Variants in NEGR1 observed in about 807,000 individuals in gnomAD.
NEGR1 encodes the protein neuronal growth regulator 1, also known as IgLON family member 4.
A neutral mutation model predicts 40.9 loss-of-function variants in NEGR1; 10 were observed. That is an observed-to-expected ratio of 0.24 (90% CI 0.15 to 0.42). The LOEUF (loss-of-function observed/expected upper bound fraction) is 0.42. Ranked by LOEUF, NEGR1 falls within the 10% of genes least tolerant of loss-of-function variation. The pLI is 1.00. For missense variants in NEGR1, 352 were observed against 438.9 expected, an observed-to-expected ratio of 0.80 and a Z score of 1.77; for synonymous variants, 185 against 166.8, an observed-to-expected ratio of 1.11 and a Z score of -0.84.
intron 3 of NEGR1, among the ~76,000 whole-genome samples, chr1:71,741,857 G>C (rs1655223364): frequency 6.6e-6 from 1 of 152,132 alleles, no homozygotes; most frequent in Non-Finnish European, 1.5e-5. Flanking sequence ...GCAAGAGAGA[G>C]CAAGGAGCCA....
intron 1 of NEGR1, among the ~76,000 whole-genome samples, chr1:72,276,412 G>A (rs1487463651): frequency 3.3e-5 from 5 of 152,016 alleles, no homozygotes; most frequent in African/African-American, 1.2e-4. Flanking sequence ...ACATCTACAA[G>A]CAGGGTTTAA....
chr1:71,457,361 A>G (rs763976572), intron 6 of NEGR1, among the ~76,000 whole-genome samples: 2 of 152,190 alleles, frequency 1.3e-5, no homozygotes, highest in Non-Finnish European at 2.9e-5. Flanking sequence ...TTCTACTTCA[A>G]TTTTCAATAT....
intron 4 of NEGR1, among the ~76,000 whole-genome samples, chr1:71,675,542 A>AAGAG (rs1170631898): frequency 1.3e-5 from 2 of 151,308 alleles, no homozygotes; most frequent in Admixed American, 6.6e-5. Flanking sequence ...GAGAGAGAGA[A>AAGAG]AGACAGACAG....
At chr1:72,270,343 A>G (rs1428988026) in intron 1 of NEGR1, among the ~76,000 whole-genome samples, 1 of 151,902 alleles carries the variant, frequency 6.6e-6, no homozygotes, top group Non-Finnish European at 1.5e-5. Flanking sequence ...ACAAGCATTC[A>G]TACATAATTC....
In NEGR1 at chr1:71,475,261, T is replaced by C. The variant is rs145508211; in HGVS notation, c.941-67691A>G. Among the ~76,000 whole-genome samples the C allele has an allele frequency of 3.9e-3, 586 of 152,190 alleles. 4 individuals are homozygous for C. Among genetic ancestry groups the C allele is most frequent in the African/African-American group, 0.014 (564 of 41,564 alleles). On this transcript the variant is annotated intron_variant, in intron 6 of 6. Transcript: ENST00000357731. ...TAATATGCTTTTTAAAAAATGAAAG[T>C]ATATTATTTTCCATATATGGCTATT...
At chr1:72,040,125 G>A (rs1318823604) in intron 1 of NEGR1, among the ~76,000 whole-genome samples, 1 of 151,914 alleles carries the variant, frequency 6.6e-6, no homozygotes, top group East Asian at 1.9e-4. Context: ...TTAGCCATGT[G>A]TTATGTACAT....
intron 1 of NEGR1, among the ~76,000 whole-genome samples, chr1:72,003,967 G>T (rs1646580405): frequency 6.6e-6 from 1 of 152,010 alleles, no homozygotes; most frequent in African/African-American, 2.4e-5. Context: ...ATAAATGAGA[G>T]ATTAATGAGT....
chr1:71,607,062 A>G (rs1650096107), intron 5 of NEGR1, among the ~76,000 whole-genome samples: 1 of 152,206 alleles, frequency 6.6e-6, no homozygotes, highest in Non-Finnish European at 1.5e-5. Flanking sequence ...ATTTCTGATT[A>G]TTTATGTGAG....
chr1:71,606,985 CTTGAT>C (rs987897563), intron 5 of NEGR1, among the ~76,000 whole-genome samples: 1 of 152,046 alleles, frequency 6.6e-6, no homozygotes, highest in African/African-American at 2.4e-5. Flanking sequence ...CTTTGAAGAT[CTTGAT>C]TTAAGATAAA....
Position 71,811,512 on chromosome 1 carries a change from T to G in NEGR1, c.410-35215A>C, listed in dbSNP as rs140111118. 1.3e-3 allele frequency among the ~76,000 whole-genome samples: 196 copies of G among 151,990 alleles called. No individual in the cohort carries two copies. In the East Asian group the frequency reaches 0.033, roughly 25 times the overall value. ...GTGGCTATCTCATAACTCCTTTCAT[T>G]TTCTTCATAGTACTTATAATTTGAA... is the stretch of plus-strand genomic sequence containing the variant. On this transcript the variant is annotated intron_variant, in intron 2 of 6. Transcript: ENST00000357731.
intron 1 of NEGR1, among the ~76,000 whole-genome samples, chr1:72,232,260 G>A (rs1443101470): frequency 6.6e-6 from 1 of 151,952 alleles, no homozygotes; most frequent in African/African-American, 2.4e-5. Context: ...GGAAGGCTAA[G>A]GCAGGAGAAT....
chr1:72,260,999 T>C (rs1489906328), intron 1 of NEGR1, among the ~76,000 whole-genome samples: 3 of 152,080 alleles, frequency 2.0e-5, no homozygotes, highest in Non-Finnish European at 4.4e-5. Context: ...ATGGCTTTTG[T>C]TTATATTATA....
intron 1 of NEGR1, among the ~76,000 whole-genome samples, chr1:72,169,989 G>A (rs1651902277): frequency 6.6e-6 from 1 of 152,022 alleles, no homozygotes; most frequent in African/African-American, 2.4e-5. Flanking sequence ...AGTAAATCAG[G>A]AAATTTAAAT....
At chr1:72,146,668 G>A (rs2100346711) in intron 1 of NEGR1, among the ~76,000 whole-genome samples, 1 of 152,170 alleles carries the variant, frequency 6.6e-6, no homozygotes, top group South Asian at 2.1e-4. Context: ...CCATCCCCAA[G>A]ATATCTCTTT....
intron 1 of NEGR1, among the ~76,000 whole-genome samples, chr1:72,181,677 G>A (rs970551514): frequency 1.1e-4 from 16 of 152,086 alleles, no homozygotes; most frequent in Admixed American, 1.3e-4. Flanking sequence ...CAACCTAGGC[G>A]TCTGTGGATA....
intron 2 of NEGR1, among the ~76,000 whole-genome samples, chr1:71,847,545 ATTGTT>A (rs1330245056): frequency 1.3e-5 from 2 of 152,094 alleles, no homozygotes; most frequent in Middle Eastern, 3.2e-3. Flanking sequence ...TACTCTTGTA[ATTGTT>A]TTAATTGTTT....
chr1:71,415,429 T>G (rs991959660), intron 6 of NEGR1, among the ~76,000 whole-genome samples: 3 of 152,064 alleles, frequency 2.0e-5, no homozygotes, highest in Admixed American at 6.6e-5. Flanking sequence ...GTTCACAATA[T>G]ACCCTCCTAT....
At chr1:71,834,474 T>C (rs1658947711) in intron 2 of NEGR1, among the ~76,000 whole-genome samples, 1 of 151,728 alleles carries the variant, frequency 6.6e-6, no homozygotes, top group Non-Finnish European at 1.5e-5. Context: ...CCAACCATTT[T>C]TTTTTCCTCC....
intron 6 of NEGR1, among the ~76,000 whole-genome samples, chr1:71,561,235 C>A (rs1003667959): frequency 6.6e-6 from 1 of 151,686 alleles, no homozygotes; most frequent in Non-Finnish European, 1.5e-5. Flanking sequence ...AAGCCCCTAA[C>A]AAAGATCAAT....
Sources: gnomAD v4.1 joint callset for allele counts (sites outside exome capture counted in the v4.1 genomes callset) on GRCh38, gnomAD v4.1.1 for gene constraint, MANE v1.5 for transcripts, NCBI Gene and HGNC (gene_info 2026-07-23, HGNC 2026-07-21) for gene names.